Variants in COL23A1 observed in about 807,000 individuals in gnomAD.
The protein encoded by COL23A1 is collagen alpha-1(XXIII) chain.
A neutral mutation model predicts 99.3 loss-of-function variants in COL23A1; 97 were observed. The ratio of observed to expected loss-of-function variants is 0.98; its 90% confidence interval spans 0.83 to 1.16. The LOEUF (loss-of-function observed/expected upper bound fraction) is 1.16. Among genes scored for constraint, COL23A1 ranks in the 50% most tolerant of loss-of-function variants. The pLI is 0.00. For missense variants in COL23A1, 762 were observed against 757.4 expected, an observed-to-expected ratio of 1.01 and a Z score of -0.07; for synonymous variants, 320 against 308.2, an observed-to-expected ratio of 1.04 and a Z score of -0.40.
intron 2 of COL23A1, among the ~76,000 whole-genome samples, chr5:178,391,012 G>A (rs1763935770): frequency 6.6e-6 from 1 of 152,246 alleles, no homozygotes; most frequent in African/African-American, 2.4e-5. Flanking sequence ...TGGCCTGTTA[G>A]GAACCGGGCC....
intron 2 of COL23A1, among the ~76,000 whole-genome samples, chr5:178,514,639 G>C (rs929765638): frequency 3.9e-5 from 6 of 152,238 alleles, no homozygotes; most frequent in Admixed American, 6.5e-5. Context: ...CAGAGCCCAG[G>C]GGGGAAGCTG....
intron 2 of COL23A1, among the ~76,000 whole-genome samples, chr5:178,553,810 C>T (rs1265613891): frequency 1.3e-5 from 2 of 152,310 alleles, no homozygotes; most frequent in African/African-American, 2.4e-5. Flanking sequence ...TCTGCCAAGC[C>T]CTCGCTCTTC....
At chr5:178,372,205 G>A (rs945653565) in intron 2 of COL23A1, among the ~76,000 whole-genome samples, 5 of 152,226 alleles carry the variant, frequency 3.3e-5, no homozygotes, top group African/African-American at 9.6e-5. Context: ...GGCAGACAGC[G>A]GGGCGTGCTG....
chr5:178,586,439 C>T (rs923430188), intron 1 of COL23A1, among the ~76,000 whole-genome samples: 1 of 152,112 alleles, frequency 6.6e-6, no homozygotes, highest in Admixed American at 6.5e-5. Flanking sequence ...GGTATAAATT[C>T]ATTCAGCTTA....
At chr5:178,550,805 G>A (rs550038320) in intron 2 of COL23A1, among the ~76,000 whole-genome samples, 92 of 152,270 alleles carry the variant, frequency 6.0e-4, no homozygotes, top group African/African-American at 1.9e-3. Flanking sequence ...TCAATAGTTG[G>A]CACGGAGTTG....
chr5:178,246,337 A>T (rs1377306376), intron 23 of COL23A1, 30 bp from the exon 24 acceptor site: 4 of 1,559,270 alleles, frequency 2.6e-6, no homozygotes, highest in Non-Finnish European at 3.5e-6. Flanking sequence ...GTCAAGAGGC[A>T]TGCTAGTGAC....
At chr5:178,245,330 A>G (rs1369270527) in intron 25 of COL23A1, among the ~76,000 whole-genome samples, 2 of 144,552 alleles carry the variant, frequency 1.4e-5, no homozygotes, top group African/African-American at 2.5e-5. Flanking sequence ...CCATCCATCC[A>G]TCCATCCATC....
intron 5 of COL23A1, among the ~76,000 whole-genome samples, chr5:178,279,271 C>A (rs1756760835): frequency 6.6e-6 from 1 of 152,210 alleles, no homozygotes; most frequent in South Asian, 2.1e-4. Flanking sequence ...TCAGCTCCCG[C>A]CCCCGCCAGT....
At chr5:178,294,987 C>CAACAAAACAAAACAA (rs112952760) in intron 3 of COL23A1, among the ~76,000 whole-genome samples, 3 of 152,186 alleles carry the variant, frequency 2.0e-5, no homozygotes, top group Admixed American at 1.3e-4. Context: ...ATTAAAAATA[C>CAACAAAACAAAACAA]AACAAAACAA....
intron 5 of COL23A1, among the ~76,000 whole-genome samples, chr5:178,286,392 G>A (rs1011596763): frequency 5.3e-5 from 8 of 152,138 alleles, no homozygotes; most frequent in Admixed American, 1.3e-4. Flanking sequence ...CCTTCTCTCC[G>A]TTCCCAGCCC....
intron 2 of COL23A1, among the ~76,000 whole-genome samples, chr5:178,412,852 A>G (rs1266328463): frequency 6.6e-6 from 1 of 152,178 alleles, no homozygotes; most frequent in Non-Finnish European, 1.5e-5. Flanking sequence ...TATGCTAAGC[A>G]GTTTTCTCAG....
At chr5:178,457,496 C>T (rs972856102) in intron 2 of COL23A1, among the ~76,000 whole-genome samples, 58 of 152,126 alleles carry the variant, frequency 3.8e-4, no homozygotes, top group African/African-American at 1.4e-3. Flanking sequence ...ATTACAGGCA[C>T]GAACCACTAC....
chr5:178,525,771 A>C (rs1194409120), intron 2 of COL23A1, among the ~76,000 whole-genome samples: 1 of 152,282 alleles, frequency 6.6e-6, no homozygotes, highest in East Asian at 1.9e-4. Flanking sequence ...TGCAAAATGG[A>C]AAAAGATAAT....
chr5:178,559,551 C>T lies in COL23A1; in HGVS notation c.361+1131G>A, dbSNP rs113564543. On this transcript the variant is annotated intron_variant, in intron 2 of 28. Coordinates refer to ENST00000390654, the MANE Select transcript of COL23A1 (RefSeq NM_173465.4). ...CACCCAAAAGAGACCTTTCCCTGCA[C>T]GTCGAGAAGTCTGAGACACATCACC... 5.9e-3 allele frequency among the ~76,000 whole-genome samples: 805 copies of T among 135,836 alleles called. 39 individuals are homozygous for T. Among genetic ancestry groups the T allele is most frequent in the African/African-American group, 0.023 (740 of 32,340 alleles). 89.1% of individuals were successfully genotyped at this position (135,836 alleles called of 152,430 possible). A position where few individuals can be genotyped will look rare whatever the true frequency, so the allele number is the denominator to read the frequency against.
chr5:178,247,556 C>A lies in COL23A1; in HGVS notation c.1270-4G>T, dbSNP rs778502683. On this transcript the variant is annotated splice_polypyrimidine_tract_variant and splice_region_variant and intron_variant, in intron 21 of 28. Transcript: ENST00000390654. The stretch of plus-strand genomic sequence containing the variant: ...GACCCTGGATTCCCTGGAGGCCCTG[C>A]AGGAGGAGGAAGCAGATAAGAAGGC... The A allele has an allele frequency of 3.1e-6, 5 of 1,613,882 alleles. No individual in the cohort carries two copies. The African/African-American group carries it at 5.3e-5, about 17-fold the overall frequency.
At chr5:178,358,571 A>ATG (rs148430182) in intron 2 of COL23A1, among the ~76,000 whole-genome samples, 7 of 135,960 alleles carry the variant, frequency 5.1e-5, no homozygotes, top group Admixed American at 1.5e-4. Flanking sequence ...TGTATGTCTA[A>ATG]TGTGTATGTG....
chr5:178,360,680 A>T (rs1344432177), intron 2 of COL23A1, among the ~76,000 whole-genome samples: 2 of 152,238 alleles, frequency 1.3e-5, no homozygotes, highest in Non-Finnish European at 2.9e-5. Flanking sequence ...TATGTTTCGA[A>T]TGAGAAACAT....
At chr5:178,515,147 G>C (rs988602551) in intron 2 of COL23A1, among the ~76,000 whole-genome samples, 1 of 152,240 alleles carries the variant, frequency 6.6e-6, no homozygotes, top group African/African-American at 2.4e-5. Context: ...CACTGTGCCA[G>C]GCTCAGATCC....
At chr5:178,279,770 A>T (rs890223775) in intron 5 of COL23A1, among the ~76,000 whole-genome samples, 25 of 152,110 alleles carry the variant, frequency 1.6e-4, no homozygotes, top group African/African-American at 5.8e-4. Context: ...GTTCCCCCTG[A>T]AACTCCCCAC....
Sources: gnomAD v4.1 joint callset for allele counts (sites outside exome capture counted in the v4.1 genomes callset) on GRCh38, gnomAD v4.1.1 for gene constraint, MANE v1.5 for transcripts, NCBI Gene and HGNC (gene_info 2026-07-23, HGNC 2026-07-21) for gene names.